The following DPYD variants were observed in gnomAD, a reference collection of about 807,000 sequenced individuals.
DPYD encodes dihydropyrimidine dehydrogenase, also known as dihydropyrimidine dehydrogenase [NADP(+)].
In DPYD, 109 loss-of-function variants were observed where a neutral mutation model predicts 116.2. That is an observed-to-expected ratio of 0.94 (90% CI 0.80 to 1.10). The LOEUF is 1.10. Ranked by LOEUF, DPYD falls within the 50% of genes least tolerant of loss-of-function variation. DPYD has a pLI of 0.00. For synonymous variants in DPYD, 440 were observed against 432.0 expected (o/e 1.02, Z -0.23); for missense variants, 1,302 against 1,254.5 (o/e 1.04, Z -0.57).
intron 19 of DPYD, among the ~76,000 whole-genome samples, chr1:97,226,331 A>T (rs1373499288): frequency 6.6e-6 from 1 of 152,140 alleles, no homozygotes; most frequent in Non-Finnish European, 1.5e-5. Context: ...TAAGAACAAG[A>T]CAAGGATGCC....
chr1:97,221,089 A>C (rs545696385), intron 19 of DPYD, among the ~76,000 whole-genome samples: 8 of 152,326 alleles, frequency 5.3e-5, no homozygotes, highest in African/African-American at 1.9e-4. Context: ...AAACTGAAGA[A>C]GTCAGGGATA....
chr1:97,319,271 CA>C (rs1192466133), intron 16 of DPYD, among the ~76,000 whole-genome samples: 5 of 150,694 alleles, frequency 3.3e-5, no homozygotes, highest in Non-Finnish European at 5.9e-5. Context: ...AAAAACCCTT[CA>C]AAAAATCAAT....
intron 2 of DPYD, among the ~76,000 whole-genome samples, chr1:97,879,023 T>C (rs1672051313): frequency 6.6e-6 from 1 of 152,018 alleles, no homozygotes; most frequent in African/African-American, 2.4e-5. Flanking sequence ...GATTTTCTTT[T>C]ATTTCCTTAT....
intron 21 of DPYD, among the ~76,000 whole-genome samples, chr1:97,084,839 T>C (rs1649403316): frequency 6.6e-6 from 1 of 152,224 alleles, no homozygotes; most frequent in African/African-American, 2.4e-5. Flanking sequence ...TTAGTAAGCT[T>C]TAATTCATCT....
At chr1:97,163,880 T>C (rs1222160042) in intron 20 of DPYD, among the ~76,000 whole-genome samples, 1 of 152,130 alleles carries the variant, frequency 6.6e-6, no homozygotes, top group African/African-American at 2.4e-5. Flanking sequence ...AGAAACAAGA[T>C]TGAGAGACAA....
chr1:97,487,862 G>A (rs1292923981), intron 13 of DPYD, among the ~76,000 whole-genome samples: 1 of 152,074 alleles, frequency 6.6e-6, no homozygotes, highest in African/African-American at 2.4e-5. Flanking sequence ...AAAACAGTTT[G>A]GCACTTTTTA....
chr1:97,262,838 A>G (rs1663978436), intron 18 of DPYD, among the ~76,000 whole-genome samples: 1 of 152,108 alleles, frequency 6.6e-6, no homozygotes, highest in Non-Finnish European at 1.5e-5. Context: ...CACTTCATTT[A>G]TAATTTCCAC....
intron 18 of DPYD, among the ~76,000 whole-genome samples, chr1:97,268,086 G>C (rs939483435): frequency 6.6e-6 from 1 of 152,192 alleles, no homozygotes; most frequent in African/African-American, 2.4e-5. Context: ...CTTGTTTCAT[G>C]TAAGTCCAAA....
At chr1:97,654,632 T>C (rs1457432456) in intron 8 of DPYD, among the ~76,000 whole-genome samples, 1 of 152,106 alleles carries the variant, frequency 6.6e-6, no homozygotes. Context: ...GAAAGAATAA[T>C]TTGATCACTA....
intron 14 of DPYD, among the ~76,000 whole-genome samples, chr1:97,388,562 G>A (rs1453770466): frequency 6.6e-6 from 1 of 152,092 alleles, no homozygotes; most frequent in Non-Finnish European, 1.5e-5. Context: ...CTGAAAGTCT[G>A]TGTCAAAGAG....
rs201841475 is a variant in DPYD at position 97,740,455 on chromosome 1, C to A, written c.258G>T (p.Pro86=). The part of the protein sequence containing the change: ...AMRCLKCADA[P]CQKSCPTNLD... ...GATTAGTTGGACAGCTCTTCTGACA[C>A]GGGGCATCTGCACATTTCAGGCATC... The change falls in exon 4 of 23, where the codon CCG becomes CCT. Residue 86 remains proline (P), a synonymous_variant. Transcript: ENST00000370192. 4 of 1,612,980 alleles carry A rather than the reference C, an allele frequency of 2.5e-6. No individual in the cohort carries two copies. The highest frequency in any genetic ancestry group is 3.4e-6 in the Non-Finnish European group (4 of 1,179,412).
chr1:97,833,131 A>G lies in DPYD; in HGVS notation c.151-4935T>C, dbSNP rs1669614902. Among the ~76,000 whole-genome samples, 7 of 152,152 alleles carry G rather than the reference A, an allele frequency of 4.6e-5. No individual in the cohort carries two copies. The South Asian group carries it at 1.4e-3, about 31-fold the overall frequency. On this transcript the variant is annotated intron_variant, in intron 2 of 22. Transcript: ENST00000370192. ...TGATAACTAAAACTAAATCAGATCT[A>G]AAATTTATATACAAACCTAAATTGA...
In DPYD at chr1:97,391,048, C is replaced by CTTTT. The variant is rs571016808; in HGVS notation, c.1906-8591_1906-8588dup. 4.5e-3 allele frequency among the ~76,000 whole-genome samples: 590 copies of CTTTT among 132,448 alleles called. 3 individuals carry two copies. The highest frequency in any genetic ancestry group is 8.1e-3 in the Middle Eastern group (2 of 248). 86.9% of individuals were successfully genotyped at this position (132,448 alleles called of 152,430 possible). ...TTTGGAGATACCACTTACTTTTCCT[C>CTTTT]TTTTTTTTTTTTTTTTTGGTGTTCT... On this transcript the variant is annotated intron_variant, in intron 14 of 22. Coordinates refer to ENST00000370192, the MANE Select transcript of DPYD (RefSeq NM_000110.4).
At chr1:97,866,441 A>G (rs1426943645) in intron 2 of DPYD, among the ~76,000 whole-genome samples, 1 of 151,942 alleles carries the variant, frequency 6.6e-6, no homozygotes, top group Non-Finnish European at 1.5e-5. Context: ...TGTATTTTTT[A>G]TATCATTGAT....
chr1:97,865,121 C>G (rs1375355264), intron 2 of DPYD, among the ~76,000 whole-genome samples: 2 of 151,780 alleles, frequency 1.3e-5, no homozygotes, highest in African/African-American at 4.8e-5. Flanking sequence ...ACATTCTCAC[C>G]AGGGGGTTTG....
intron 1 of DPYD, among the ~76,000 whole-genome samples, chr1:97,904,495 T>C (rs919113330): frequency 6.6e-6 from 1 of 151,938 alleles, no homozygotes; most frequent in Non-Finnish European, 1.5e-5. Context: ...GAAAATGGTA[T>C]CCTGCCCACC....
intron 3 of DPYD, among the ~76,000 whole-genome samples, chr1:97,752,635 T>C (rs1259548428): frequency 1.3e-5 from 2 of 152,128 alleles, no homozygotes; most frequent in African/African-American, 2.4e-5. Flanking sequence ...ATTTTCAAAC[T>C]GTGCATTCCA....
chr1:97,383,189 G>C (rs1463589040), intron 14 of DPYD, among the ~76,000 whole-genome samples: 1 of 152,008 alleles, frequency 6.6e-6, no homozygotes, highest in Non-Finnish European at 1.5e-5. Context: ...AGTAATAACA[G>C]AAATTGGCCA....
intron 2 of DPYD, among the ~76,000 whole-genome samples, chr1:97,860,057 A>G (rs1671043064): frequency 6.6e-6 from 1 of 152,162 alleles, no homozygotes; most frequent in Non-Finnish European, 1.5e-5. Flanking sequence ...AATTCTAAAT[A>G]TTAGGCTGGG....
Sources: allele counts gnomAD v4.1 joint callset (sites outside exome capture counted in the v4.1 genomes callset), GRCh38; gene constraint gnomAD v4.1.1; transcripts MANE v1.5; gene names NCBI Gene and HGNC (gene_info 2026-07-23, HGNC 2026-07-21).